DLG2: variants seen among roughly 807,000 people sequenced by gnomAD.
DLG2 encodes disks large homolog 2.
In DLG2, 45 loss-of-function variants were observed where a neutral mutation model predicts 132.5. The ratio of observed to expected loss-of-function variants is 0.34; its 90% CI spans 0.27 to 0.44. The LOEUF (loss-of-function observed/expected upper bound fraction) is 0.44. Among genes scored for constraint, DLG2 ranks in the 20% least tolerant of loss-of-function variants. DLG2 has a pLI of 1.00. For missense variants in DLG2, 1,045 were observed against 1,196.9 expected (o/e 0.87, Z 1.87); for synonymous variants, 424 against 419.6 (o/e 1.01, Z -0.13).
At chr11:84,632,552 T>G (rs1406010953) in intron 6 of DLG2, among the ~76,000 whole-genome samples, 1 of 152,148 alleles carries the variant, frequency 6.6e-6, no homozygotes, top group East Asian at 1.9e-4. Flanking sequence ...AAAGGAGCAT[T>G]TACCATAGTA....
At chr11:83,761,897 C>T (rs1222748321) in intron 18 of DLG2, among the ~76,000 whole-genome samples, 2 of 152,128 alleles carry the variant, frequency 1.3e-5, no homozygotes, top group African/African-American at 2.4e-5. Flanking sequence ...TCTTTCCCTT[C>T]CAGTTCTTAC....
At chr11:85,466,154 C>T (rs1224104971) in intron 3 of DLG2, among the ~76,000 whole-genome samples, 1 of 151,712 alleles carries the variant, frequency 6.6e-6, no homozygotes, top group Non-Finnish European at 1.5e-5. Flanking sequence ...GATGGGGTTG[C>T]TTGTTTTTTT....
chr11:85,522,808 C>A (rs903270760), intron 3 of DLG2, among the ~76,000 whole-genome samples: 1 of 152,150 alleles, frequency 6.6e-6, no homozygotes, highest in African/African-American at 2.4e-5. Context: ...AATGCCTGTA[C>A]CCCCATTGAA....
intron 6 of DLG2, among the ~76,000 whole-genome samples, chr11:84,856,886 T>C (rs59868830): frequency 0.036 from 5,507 of 151,978 alleles, 348 homozygotes; most frequent in African/African-American, 0.13. Context: ...CTGAGGAGGC[T>C]GAAAAAGTAA....
intron 6 of DLG2, among the ~76,000 whole-genome samples, chr11:84,753,174 G>C (rs2066402820): frequency 6.6e-6 from 1 of 152,200 alleles, no homozygotes. Flanking sequence ...AAAGATCAGT[G>C]TGGCTACAGC....
At chr11:85,475,350 A>T (rs138944114) in intron 3 of DLG2, among the ~76,000 whole-genome samples, 102 of 152,134 alleles carry the variant, frequency 6.7e-4, no homozygotes, top group African/African-American at 2.4e-3. Context: ...AATAGAAAAA[A>T]AATTAAATTC....
At chr11:83,972,986 G>A (rs2091606776) in intron 12 of DLG2, among the ~76,000 whole-genome samples, 1 of 152,044 alleles carries the variant, frequency 6.6e-6, no homozygotes, top group Non-Finnish European at 1.5e-5. Context: ...AAGAGAGCAA[G>A]CAAGAGTGAT....
At chr11:84,838,335 C>A (rs1020873930) in intron 6 of DLG2, among the ~76,000 whole-genome samples, 4 of 151,474 alleles carry the variant, frequency 2.6e-5, no homozygotes, top group African/African-American at 9.7e-5. Flanking sequence ...ACAATTGATA[C>A]TGGGCTTAAG....
chr11:85,617,648 T>C (rs10501594), intron 2 of DLG2, among the ~76,000 whole-genome samples: 2,686 of 152,320 alleles, frequency 0.018, 37 homozygotes, highest in Middle Eastern at 0.065. Context: ...GCCTTAAATA[T>C]ATACACCAGT....
intron 4 of DLG2, among the ~76,000 whole-genome samples, chr11:85,252,936 T>C (rs1354181701): frequency 1.3e-5 from 2 of 152,212 alleles, no homozygotes; most frequent in African/African-American, 2.4e-5. Flanking sequence ...GTAAGACTGC[T>C]GGACCTAATC....
intron 14 of DLG2, among the ~76,000 whole-genome samples, chr11:83,947,595 A>G (rs749958771): frequency 6.6e-6 from 1 of 152,210 alleles, no homozygotes; most frequent in Non-Finnish European, 1.5e-5. Flanking sequence ...AAAAGTCAAC[A>G]TTAATAATAA....
At position 83,591,688 on chromosome 11, in the gene DLG2, G is replaced by A. The variant is rs1311441705; in HGVS notation, c.1940+41523C>T. On this transcript the variant is annotated intron_variant, in intron 19 of 27. Transcript: ENST00000376104. Reference sequence around the variant, plus strand: ...AATAAAGGGTATTCAATTAGGAAAAGAGGAAGTCAAATTGTCCCTGTTTGC... The same window carrying A: ...AATAAAGGGTATTCAATTAGGAAAAAAGGAAGTCAAATTGTCCCTGTTTGC... Among the ~76,000 whole-genome samples the A allele has an allele frequency of 7.3e-3, 1,099 of 150,262 alleles. 3 individuals are homozygous for A. The highest frequency in any genetic ancestry group is 0.026 in the African/African-American group (1,056 of 40,592).
intron 9 of DLG2, among the ~76,000 whole-genome samples, chr11:84,111,877 G>T (rs1484331850): frequency 2.0e-5 from 3 of 152,124 alleles, no homozygotes; most frequent in Admixed American, 2.0e-4. Context: ...AAGTTTTATT[G>T]ATTCTATCAC....
At chr11:85,546,995 C>T (rs139765914) in intron 3 of DLG2, among the ~76,000 whole-genome samples, 4,190 of 152,096 alleles carry the variant, frequency 0.028, 97 homozygotes, top group East Asian at 0.091. Context: ...GGCATTTAGT[C>T]CATTTACATT....
At chr11:84,713,123 G>T (rs11234138) in intron 6 of DLG2, among the ~76,000 whole-genome samples, 1 of 152,174 alleles carries the variant, frequency 6.6e-6, no homozygotes, top group East Asian at 1.9e-4. Flanking sequence ...TGACATTTTT[G>T]CAAATTGACT....
chr11:85,257,634 T>C (rs1186041533), intron 4 of DLG2, among the ~76,000 whole-genome samples: 1 of 152,180 alleles, frequency 6.6e-6, no homozygotes, highest in East Asian at 1.9e-4. Flanking sequence ...AGCTTGCCAG[T>C]CCAAGAAATG....
rs1186907342 is a variant in DLG2 at position 85,111,735 on chromosome 11, G to A, written c.283C>T (p.Gln95Ter). The change falls in exon 6 of 28, where the codon CAA becomes TAA. Residue 95 changes from glutamine to a stop codon, truncating the protein, a stop_gained and splice_region_variant. Transcript: ENST00000376104. LOFTEE classifies it high-confidence loss of function. Reference sequence around the variant, plus strand: ...TGGGCTGGGCATCTGCCTTGGTTTTGCTGCAAATAAGTAAAAATTATATTA... The same window carrying A: ...TGGGCTGGGCATCTGCCTTGGTTTTACTGCAAATAAGTAAAAATTATATTA... The part of the protein sequence containing the change: ...FENETDETTT[Q>*]NQGRCPAQNC... The A allele has an allele frequency of 6.4e-7, 1 of 1,553,378 alleles. No individual in the cohort carries two copies. The highest frequency in any genetic ancestry group is 2.4e-5 in the East Asian group (1 of 41,234).
intron 3 of DLG2, among the ~76,000 whole-genome samples, chr11:85,384,956 A>T (rs2086204581): frequency 6.6e-6 from 1 of 152,244 alleles, no homozygotes; most frequent in Admixed American, 6.5e-5. Context: ...TCAGGATTAA[A>T]TGAGAAAAAA....
intron 6 of DLG2, among the ~76,000 whole-genome samples, chr11:85,101,573 C>A (rs571575860): frequency 6.6e-6 from 1 of 152,142 alleles, no homozygotes; most frequent in African/African-American, 2.4e-5. Flanking sequence ...CTTCCAGGTA[C>A]TTTTTTTGAC....
Sources: gnomAD v4.1 joint callset for allele counts (sites outside exome capture counted in the v4.1 genomes callset) on GRCh38, gnomAD v4.1.1 for gene constraint, MANE v1.5 for transcripts, NCBI Gene and HGNC (gene_info 2026-07-23, HGNC 2026-07-21) for gene names.